The following ST6GALNAC6 variants were observed in gnomAD, a reference collection of about 807,000 sequenced individuals.
The protein encoded by ST6GALNAC6 is alpha-N-acetylgalactosaminide alpha-2,6-sialyltransferase 6.
Under a neutral mutation model 34.3 loss-of-function variants are expected in ST6GALNAC6, and 19 were observed. That is an observed-to-expected ratio of 0.55 (90% confidence interval 0.39 to 0.81). The LOEUF is 0.81. Among genes scored for constraint, ST6GALNAC6 ranks in the 40% least tolerant of loss-of-function variants. The probability of loss-of-function intolerance (pLI) is 0.00; values close to 1 mark genes in which losing one functional copy is unlikely to be tolerated. For synonymous variants in ST6GALNAC6, 185 were observed against 182.1 expected, an observed-to-expected ratio of 1.02 and a Z score of -0.13; for missense variants, 377 against 467.7, an observed-to-expected ratio of 0.81 and a Z score of 1.79.
At chr9:127,897,808 C>A in intron 2 of ST6GALNAC6, 148 bp downstream of exon 2, 1 of 1,528,864 alleles carries the variant, frequency 6.5e-7, no homozygotes, top group Admixed American at 1.9e-5. Context: ...GCCCCCTGCC[C>A]GCCGCCCACT....
upstream of ST6GALNAC6, among the ~76,000 whole-genome samples, chr9:127,900,584 A>AAAAAAAAAAG (rs1564495080): frequency 2.0e-5 from 3 of 150,136 alleles, no homozygotes; most frequent in African/African-American, 7.4e-5. Context: ...AAAAAAAAAA[A>AAAAAAAAAAG]AAGAAGGATG....
At chr9:127,903,874 G>A (rs1279728818), upstream of ST6GALNAC6, 2 of 152,174 alleles carry the variant, frequency 1.3e-5, no homozygotes, top group Non-Finnish European at 2.9e-5. Context: ...CACTAACCCA[G>A]GCCAGTGACC....
In ST6GALNAC6 at chr9:127,896,267, C is replaced by CGTCTGCTGAGG; in HGVS notation, c.81_91dup (p.Arg31ProfsTer9). On this transcript the variant is annotated frameshift_variant, in exon 3 of 7. Coordinates refer to ENST00000373146, the MANE Select transcript of ST6GALNAC6 (RefSeq NM_013443.5). LOFTEE classifies it high-confidence loss of function. The stretch of plus-strand genomic sequence containing the variant: ...TTTGTTGCTACTCATTTCTCTCCGG[C>CGTCTGCTGAGG]GTCTGCTGAGGGGTAGGTGTCGGCG... 1 of 1,614,086 alleles carries CGTCTGCTGAGG rather than the reference C, an allele frequency of 6.2e-7. No individual in the cohort carries two copies. The highest frequency in any genetic ancestry group is 8.5e-7 in the Non-Finnish European group (1 of 1,179,986).
At chr9:127,893,468 A>G (rs534123795) in intron 4 of ST6GALNAC6, among the ~76,000 whole-genome samples, 1 of 152,216 alleles carries the variant, frequency 6.6e-6, no homozygotes, top group Non-Finnish European at 1.5e-5. Context: ...TTTTTTGCCC[A>G]CGGAATTCCC....
In ST6GALNAC6 at chr9:127,896,249, CT is replaced by C; in HGVS notation, c.109del (p.Ser37AlafsTer11). ...AAATGAAGGCAGACTTACTTTGTTG[CT>C]ACTCATTTCTCTCCGGCGTCTGCTG... ...PLSRRRREMS[S>X]NKEQRSAVFV... is the part of the protein sequence containing the mutation. On this transcript the variant is annotated frameshift_variant, in exon 3 of 7. Transcript: ENST00000373146. LOFTEE classifies it high-confidence loss of function. 1.2e-6 allele frequency: 2 copies of C among 1,614,132 alleles called. No homozygotes were observed. The highest frequency in any genetic ancestry group is 1.7e-6 in the Non-Finnish European group (2 of 1,179,996).
chr9:127,896,279 G>A lies in ST6GALNAC6; in HGVS notation c.80C>T (p.Pro27Leu). The change falls in exon 3 of 7, where the codon CCC becomes CTC. Residue 27 changes from proline (P) to leucine (L), a missense_variant. By Grantham distance (98) the Pro-to-Leu change is moderately conservative. Coordinates refer to ENST00000373146, the MANE Select transcript of ST6GALNAC6 (RefSeq NM_013443.5). Reference protein sequence around the residue: ...PGPPAGRRHLPLSRRRREMSS... With the variant: ...PGPPAGRRHLLLSRRRREMSS... ...CATTTCTCTCCGGCGTCTGCTGAGG[G>A]GTAGGTGTCGGCGTCCTGCAGGTGG... is the stretch of plus-strand genomic sequence containing the variant. 1.2e-6 allele frequency: 2 copies of A among 1,614,132 alleles called. No individual in the cohort carries two copies. Among genetic ancestry groups the A allele is most frequent in the Non-Finnish European group, 1.7e-6 (2 of 1,179,998 alleles).
At position 127,890,520 on chromosome 9, in the gene ST6GALNAC6, C is replaced by G; in HGVS notation, c.704+117G>C. On this transcript the variant is annotated intron_variant, in intron 5 of 6. Transcript: ENST00000373146. The surrounding 1 kb of genome is among the most constrained non-coding windows in gnomAD (Gnocchi z 4.3). ...TCTCCTAGGAGGCCCAACCAGAGGA[C>G]GGCGGGACTTGACTACCCCTCAGAG... 6.9e-7 allele frequency: 1 copy of G among 1,444,728 alleles called. No individual in the cohort carries two copies. The highest frequency in any genetic ancestry group is 9.4e-7 in the Non-Finnish European group (1 of 1,062,930). The allele number at this position is 1,444,728 out of a possible 1,614,324, so 89.5% of individuals were successfully genotyped here.
chr9:127,901,833 T>C (rs926118454), upstream of ST6GALNAC6, among the ~76,000 whole-genome samples: 3 of 151,210 alleles, frequency 2.0e-5, no homozygotes, highest in East Asian at 6.0e-4. Flanking sequence ...CCCTGGAGGT[T>C]GAGGCAGGAG....
chr9:127,896,378 C>G, intron 2 of ST6GALNAC6, 46 bp from the exon 3 acceptor site: 3 of 1,528,608 alleles, frequency 2.0e-6, no homozygotes, highest in East Asian at 2.3e-5. Context: ...TCCTTTGGGT[C>G]CAGCAAGCCA....
chr9:127,889,866 A>G (rs1811557535), intron 5 of ST6GALNAC6, among the ~76,000 whole-genome samples: 1 of 152,224 alleles, frequency 6.6e-6, no homozygotes, highest in Non-Finnish European at 1.5e-5. Flanking sequence ...ATCTAACAAA[A>G]TATGTACAGG....
In ST6GALNAC6 at chr9:127,887,522, G is replaced by A. The variant is rs145170753; in HGVS notation, c.774C>T (p.His258=). 53 of 1,612,888 alleles carry A rather than the reference G, an allele frequency of 3.3e-5. No homozygotes were observed. Among genetic ancestry groups the A allele is most frequent in the Middle Eastern group, 1.6e-4 (1 of 6,084 alleles). ...GGGGGACCATGCCATAGACATGCAC[G>A]TGGTCACACAACTCCACCGCGATCA... is the stretch of plus-strand genomic sequence containing the variant. ...TMVIAVELCD[H]VHVYGMVPPN... The change falls in exon 6 of 7, where the codon CAC becomes CAT. Residue 258 remains histidine, a synonymous_variant. Transcript: ENST00000373146.
upstream of ST6GALNAC6, chr9:127,905,387 T>C: frequency 2.0e-6 from 2 of 985,536 alleles, no homozygotes; most frequent in Non-Finnish European, 2.4e-6. Flanking sequence ...AGACACACCA[T>C]TTGGGCCAAC....
At position 127,891,035 on chromosome 9, in the gene ST6GALNAC6, G is replaced by C. The variant is rs1353519458; in HGVS notation, c.306C>G (p.Pro102=). The stretch of plus-strand genomic sequence containing the variant: ...CAATCACACACTGGTGGCACCGAGA[G>C]GGCAGTGTCTGGTGGATAAGGAAAG... ...YVPILGNKTL[P]SRCHQCVIVS... The change falls in exon 5 of 7, where the codon CCC becomes CCG. Residue 102 remains proline, a synonymous_variant. Coordinates refer to ENST00000373146, the MANE Select transcript of ST6GALNAC6 (RefSeq NM_013443.5). 2 of 1,613,836 alleles carry C rather than the reference G, an allele frequency of 1.2e-6. No homozygotes were observed. The highest frequency in any genetic ancestry group is 2.2e-5 in the South Asian group (2 of 91,054).
At chr9:127,889,250 A>G (rs1354161769) in intron 5 of ST6GALNAC6, among the ~76,000 whole-genome samples, 1 of 151,088 alleles carries the variant, frequency 6.6e-6, no homozygotes, top group Non-Finnish European at 1.5e-5. Context: ...TGGGAGGCTG[A>G]GGCAGCAGAA....
In ST6GALNAC6 at chr9:127,899,528, C is replaced by T; in HGVS notation, c.-55G>A. ...CTCCGGCGGGGAGCGCCCGGCCCCC[C>T]GCGGCCCCCGAGCCCCCTCACATGG... On this transcript the variant is annotated 5_prime_UTR_variant, in exon 1 of 7. Transcript: ENST00000373146. The T allele has an allele frequency of 1.0e-6, 1 of 981,032 alleles. No individual in the cohort carries two copies. Among genetic ancestry groups the T allele is most frequent in the African/African-American group, 1.8e-5 (1 of 56,918 alleles). 60.8% of individuals were successfully genotyped at this position (981,032 alleles called of 1,614,324 possible).
Position 127,899,494 on chromosome 9 carries a change from C to G in ST6GALNAC6, c.-30+9G>C. The G allele has an allele frequency of 2.0e-6, 2 of 977,300 alleles. No homozygotes were observed. The highest frequency in any genetic ancestry group is 2.4e-6 in the Non-Finnish European group (2 of 823,846). The allele number at this position is 977,300 out of a possible 1,614,324, so 60.5% of individuals were successfully genotyped here. A position where few individuals can be genotyped will look rare whatever the true frequency, so the allele number is the denominator to read the frequency against. On this transcript the variant is annotated intron_variant, in intron 1 of 6. Transcript: ENST00000373146. Reference sequence around the variant, plus strand: ...CCCCGCGGCCTGCTCCCGCGCGGCGCCTGCTCACCTCCGGCGGGGAGCGCC... The same window carrying G: ...CCCCGCGGCCTGCTCCCGCGCGGCGGCTGCTCACCTCCGGCGGGGAGCGCC...
At chr9:127,898,351 C>T (rs1830596746) in intron 1 of ST6GALNAC6, among the ~76,000 whole-genome samples, 1 of 152,046 alleles carries the variant, frequency 6.6e-6, no homozygotes, top group South Asian at 2.1e-4. Flanking sequence ...CGAGATGGTG[C>T]CACTGCACTC....
At chr9:127,894,913 G>A (rs1471149614) in intron 3 of ST6GALNAC6, among the ~76,000 whole-genome samples, 2 of 152,206 alleles carry the variant, frequency 1.3e-5, no homozygotes, top group African/African-American at 2.4e-5. Context: ...CGTGAGCTCT[G>A]GGACTAGGTC....
chr9:127,893,984 G>C (rs866253521), intron 4 of ST6GALNAC6, among the ~76,000 whole-genome samples: 5 of 152,242 alleles, frequency 3.3e-5, no homozygotes, highest in Middle Eastern at 3.4e-3. Context: ...CTTAGCAGCG[G>C]GTAGGAAAAT....
Sources: gnomAD v4.1 joint callset for allele counts (sites outside exome capture counted in the v4.1 genomes callset) on GRCh38, gnomAD v4.1.1 for gene constraint, Gnocchi (gnomAD v3.1) non-coding constraint, MANE v1.5 for transcripts, NCBI Gene and HGNC (gene_info 2026-07-23, HGNC 2026-07-21) for gene names.